KRT25: variants seen among roughly 807,000 people sequenced by gnomAD.
KRT25 encodes keratin, type I cytoskeletal 25.
A neutral mutation model predicts 47.6 loss-of-function variants in KRT25; 37 were observed. The observed-to-expected ratio is 0.78, with a 90% CI of 0.60 to 1.02. The LOEUF is 1.02. KRT25 is among the 50% of genes least tolerant of loss of function. KRT25 has a pLI of 0.00. For missense variants in KRT25, 542 were observed against 550.3 expected (o/e 0.98, Z 0.15); for synonymous variants, 203 against 210.2 (o/e 0.97, Z 0.30).
chr17:40,749,390 G>T, intron 6 of KRT25, 65 bp from the exon 7 acceptor site: 1 of 1,191,460 alleles, frequency 8.4e-7, no homozygotes, highest in Non-Finnish European at 1.2e-6. Context: ...ATCACCATAT[G>T]GTTTTCTTTA....
At position 40,751,020 on chromosome 17, in the gene KRT25, A is replaced by T. The variant is rs757053983; in HGVS notation, c.891T>A (p.Asn297Lys). The T allele has an allele frequency of 3.7e-6, 6 of 1,614,172 alleles. No homozygotes were observed. Among genetic ancestry groups the T allele is most frequent in the Middle Eastern group, 1.6e-4 (1 of 6,062 alleles). ...EDVGATTSAR[N>K]ELTEMKRTLQ... ...GAGTGCGCTTCATTTCAGTCAGCTC[A>T]TTCCGGGCTGAGGTTGTGGCTCCGA... is the stretch of plus-strand genomic sequence containing the variant. Residue 297 changes from asparagine (N) to lysine (K), a missense_variant, in exon 5 of 8, where the codon AAT becomes AAA. By Grantham distance (94) the Asn-to-Lys change is moderately conservative. Transcript: ENST00000312150.
In KRT25 at chr17:40,754,947, G is replaced by A; in HGVS notation, c.325C>T (p.Gln109Ter). The A allele has an allele frequency of 6.2e-7, 1 of 1,614,142 alleles. No homozygotes were observed. Among genetic ancestry groups the A allele is most frequent in the Non-Finnish European group, 8.5e-7 (1 of 1,180,028 alleles). Reference protein sequence around the residue: ...ALEEANADLEQKIKGWYEKFG... With the variant: ...ALEEANADLE ...TTCTCATACCAGCCCTTGATCTTCTGCTCCAGGTCAGCGTTGGCCTCCTCC... is the reference window on the plus strand; with the variant it reads ...TTCTCATACCAGCCCTTGATCTTCTACTCCAGGTCAGCGTTGGCCTCCTCC... Residue 109 changes from glutamine (Q) to a stop codon, truncating the protein, a stop_gained, in exon 1 of 8, where the codon CAG (glutamine) becomes TAG (stop). Coordinates refer to ENST00000312150, the MANE Select transcript of KRT25 (RefSeq NM_181534.4). LOFTEE classifies it high-confidence loss of function.
At chr17:40,755,506 GC>G (rs2038098905), upstream of KRT25, among the ~76,000 whole-genome samples, 1 of 152,166 alleles carries the variant, frequency 6.6e-6, no homozygotes, top group Non-Finnish European at 1.5e-5. Flanking sequence ...GAGGGCAGTT[GC>G]CCTCAGGTTG....
rs199640576 is a variant in KRT25, at chr17:40,751,305, C to T, written c.691G>A (p.Ala231Thr). Reference protein sequence around the residue: ...HKEEMQVLQCAAGGNVNVEMN... With the variant: ...HKEEMQVLQCTAGGNVNVEMN... ...TCCACGTTCACGTTGCCTCCAGCTGCGCACTGCAGAACTTGCATTTCCTAG... is the reference window on the plus strand; with the variant it reads ...TCCACGTTCACGTTGCCTCCAGCTGTGCACTGCAGAACTTGCATTTCCTAG... The change falls in exon 4 of 8, where the codon GCA becomes ACA. Residue 231 changes from alanine to threonine, a missense_variant. Ala to Thr is a moderately conservative substitution (Grantham distance 58). Transcript: ENST00000312150. 246 of 1,612,526 alleles carry T rather than the reference C, an allele frequency of 1.5e-4. No homozygotes were observed. The highest frequency in any genetic ancestry group is 2.0e-4 in the East Asian group (9 of 44,876).
In KRT25 at chr17:40,754,929, A is replaced by G; in HGVS notation, c.343T>C (p.Tyr115His). The change falls in exon 1 of 8, where the codon TAT (tyrosine) becomes CAT (histidine). Residue 115 changes from tyrosine (Y) to histidine (H), a missense_variant. Coordinates refer to ENST00000312150, the MANE Select transcript of KRT25 (RefSeq NM_181534.4). ...ADLEQKIKGW[Y>H]EKFGPGSCRG... ...CAAGAGCCAGGCCCAAATTTCTCAT[A>G]CCAGCCCTTGATCTTCTGCTCCAGG... 1 of 1,614,184 alleles carries G rather than the reference A, an allele frequency of 6.2e-7. No individual in the cohort carries two copies. The highest frequency in any genetic ancestry group is 8.5e-7 in the Non-Finnish European group (1 of 1,180,030).
At position 40,750,188 on chromosome 17, in the gene KRT25, G is replaced by A. The variant is rs182021748; in HGVS notation, c.1175+192C>T. 2.2e-4 allele frequency among the ~76,000 whole-genome samples: 34 copies of A among 152,180 alleles called. No homozygotes were observed. In the East Asian group the frequency reaches 5.0e-3, roughly 22 times the overall value. On this transcript the variant is annotated intron_variant, in intron 6 of 7. Coordinates refer to ENST00000312150, the MANE Select transcript of KRT25 (RefSeq NM_181534.4). The stretch of plus-strand genomic sequence containing the variant: ...TTTTCAATGTTCATATCTTGAACTC[G>A]GTGCCTGCTGCATATTGGTTTAAGA...
chr17:40,750,251 T>A (rs550820883), intron 6 of KRT25, 129 bp downstream of exon 6: 1 of 868,548 alleles, frequency 1.2e-6, no homozygotes, highest in South Asian at 1.6e-5. Context: ...ATGTATTATA[T>A]TTAATATTTA....
chr17:40,748,407 G>T, intron 7 of KRT25, 21 bp from the exon 8 acceptor site: 2 of 1,463,434 alleles, frequency 1.4e-6, no homozygotes, highest in Non-Finnish European at 1.9e-6. Context: ...AAAATTAAAA[G>T]GAGATTTTAT....
intron 3 of KRT25, among the ~76,000 whole-genome samples, chr17:40,753,028 G>T (rs571053983): frequency 6.6e-6 from 1 of 152,166 alleles, no homozygotes; most frequent in African/African-American, 2.4e-5. Flanking sequence ...TGTAAATTCT[G>T]GTATAATAGT....
chr17:40,749,642 A>G (rs2038028116), intron 6 of KRT25, among the ~76,000 whole-genome samples: 1 of 152,190 alleles, frequency 6.6e-6, no homozygotes, highest in South Asian at 2.1e-4. Context: ...TAAGTTTTGC[A>G]GGTTTATGAA....
At chr17:40,754,808 G>A (rs768027648) in intron 1 of KRT25, 35 bp downstream of exon 1, 7 of 1,492,306 alleles carry the variant, frequency 4.7e-6, no homozygotes, top group Non-Finnish European at 6.3e-6. Context: ...AGAAATAAAG[G>A]TACATGAAAA....
In KRT25 at chr17:40,751,210, A is replaced by C. The variant is rs1285466186; in HGVS notation, c.786T>G (p.Leu262=). The C allele has an allele frequency of 1.2e-6, 2 of 1,614,164 alleles. No homozygotes were observed. The highest frequency in any genetic ancestry group is 1.7e-6 in the Non-Finnish European group (2 of 1,180,020). ...LNNMRAEYEA[L]AEQNRRDAEA... is the part of the protein sequence containing the mutation. ...CCGCGTCCCTGCGGTTCTGCTCTGCAAGGGCTTCGTACTCAGCTCGCATGT... is the reference window on the plus strand; with the variant it reads ...CCGCGTCCCTGCGGTTCTGCTCTGCCAGGGCTTCGTACTCAGCTCGCATGT... The change falls in exon 4 of 8, where the codon CTT becomes CTG. Residue 262 remains leucine, a synonymous_variant. Transcript: ENST00000312150.
In KRT25 at chr17:40,753,683, C is replaced by CAAAA. The variant is rs60610884; in HGVS notation, c.669+173_669+176dup. On this transcript the variant is annotated intron_variant, in intron 3 of 7. Coordinates refer to ENST00000312150, the MANE Select transcript of KRT25 (RefSeq NM_181534.4). ...TGGACGGCAGAGCGAGACTCCGTCT[C>CAAAA]AAAAAAAAAAAAAAAAAAAAAAAAA... is the stretch of plus-strand genomic sequence containing the variant. Among the ~76,000 whole-genome samples the CAAAA allele has an allele frequency of 3.3e-3, 100 of 30,464 alleles. 34 individuals carry two copies. Among genetic ancestry groups the CAAAA allele is most frequent in the East Asian group, 0.019 (14 of 754 alleles). The allele number at this position is 30,464 out of a possible 152,430, so 20.0% of individuals were successfully genotyped here. A position where few individuals can be genotyped will look rare whatever the true frequency, so the allele number is the denominator to read the frequency against.
chr17:40,753,407 A>G (rs937387508), intron 3 of KRT25, among the ~76,000 whole-genome samples: 1 of 151,944 alleles, frequency 6.6e-6, no homozygotes, highest in Non-Finnish European at 1.5e-5. Flanking sequence ...ACTTAAAAAG[A>G]CAGCTCAGGC....
chr17:40,754,092 T>C (rs1009046683), intron 2 of KRT25, 76 bp from the exon 3 acceptor site: 4 of 1,405,046 alleles, frequency 2.8e-6, no homozygotes, highest in East Asian at 4.6e-5. Flanking sequence ...CAATGACAAA[T>C]GCTAGCATTC....
chr17:40,749,339 G>T lies in KRT25; in HGVS notation c.1176-14C>A, dbSNP rs201488410. The T allele has an allele frequency of 2.5e-6, 4 of 1,592,202 alleles. No individual in the cohort carries two copies. Among genetic ancestry groups the T allele is most frequent in the Non-Finnish European group, 3.4e-6 (4 of 1,160,662 alleles). Reference sequence around the variant, plus strand: ...GACTTACAGGCTCTGTGAAAACATCGCAAAAGAGGGTGATTTAGAGAGAAC... The same window carrying T: ...GACTTACAGGCTCTGTGAAAACATCTCAAAAGAGGGTGATTTAGAGAGAAC... On this transcript the variant is annotated splice_polypyrimidine_tract_variant and intron_variant, in intron 6 of 7. Transcript: ENST00000312150.
intron 6 of KRT25, among the ~76,000 whole-genome samples, chr17:40,750,168 A>G (rs1331783309): frequency 6.6e-6 from 1 of 152,138 alleles, no homozygotes; most frequent in African/African-American, 2.4e-5. Flanking sequence ...TGATATTTTC[A>G]ATGTTCATAT....
At chr17:40,751,899 T>TGTGA (rs917137755) in intron 3 of KRT25, among the ~76,000 whole-genome samples, 2 of 151,640 alleles carry the variant, frequency 1.3e-5, no homozygotes, top group African/African-American at 4.9e-5. Context: ...TGTGTGTGTG[T>TGTGA]GTGTGTGTGT....
At chr17:40,751,895 T>C (rs375486809) in intron 3 of KRT25, among the ~76,000 whole-genome samples, 1,723 of 150,422 alleles carry the variant, frequency 0.011, 16 homozygotes, top group Non-Finnish European at 0.019. Context: ...TGTGTGTGTG[T>C]GTGTGTGTGT....
Sources: allele counts gnomAD v4.1 joint callset (sites outside exome capture counted in the v4.1 genomes callset), GRCh38; gene constraint gnomAD v4.1.1; transcripts MANE v1.5; gene names NCBI Gene and HGNC (gene_info 2026-07-23, HGNC 2026-07-21).